Variants in NEB observed in about 807,000 individuals in gnomAD.
NEB encodes the protein nemaline myopathy type 2.
In NEB, 512 loss-of-function variants were observed where a neutral mutation model predicts 952.2. That is an observed-to-expected ratio of 0.54 (90% CI 0.50 to 0.58). NEB has a LOEUF of 0.58. NEB is among the 20% of genes least tolerant of loss of function. NEB has a pLI of 0.00. For synonymous variants in NEB, 2,900 were observed against 3,149.8 expected (o/e 0.92, Z 2.66); for missense variants, 8,428 against 9,231.1 (o/e 0.91, Z 3.56).
intron 35 of NEB, 62 bp from the exon 36 acceptor site, chr2:151,674,646 T>C (rs947928731): frequency 2.8e-5 from 36 of 1,273,386 alleles, no homozygotes; most frequent in Middle Eastern, 3.7e-4. Context: ...GCTGGGATTG[T>C]TTTGTTCTTT....
intron 18 of NEB, among the ~76,000 whole-genome samples, chr2:151,695,051 G>C (rs12619249): frequency 2.6e-5 from 4 of 152,052 alleles, no homozygotes; most frequent in African/African-American, 9.7e-5. Flanking sequence ...CTCATTTATA[G>C]AATTATTGAA....
intron 181 of NEB, 80 bp from the exon 182 acceptor site, chr2:151,486,013 C>T (rs1219788282): frequency 2.1e-6 from 3 of 1,409,562 alleles, no homozygotes; most frequent in Non-Finnish European, 3.0e-6. Context: ...TAAGATCTCT[C>T]ATGACTGACT....
At position 151,629,531 on chromosome 2, in the gene NEB, C is replaced by T. The variant is rs927354128; in HGVS notation, c.9831+8G>A. On this transcript the variant is annotated splice_region_variant and intron_variant, in intron 68 of 181. Coordinates refer to ENST00000397345, the MANE Select transcript of NEB (RefSeq NM_001164508.2). ...ATCCATGTAAATATCTAGGGTGTTG[C>T]TACTCACATCACTGATAACGTCCCT... The T allele has an allele frequency of 6.2e-7, 1 of 1,600,576 alleles. No homozygotes were observed. Among genetic ancestry groups the T allele is most frequent in the Non-Finnish European group, 8.6e-7 (1 of 1,167,842 alleles).
At chr2:151,639,744 C>CAGAT (rs1267353964) in intron 62 of NEB, 113 bp downstream of exon 62, 4 of 877,424 alleles carry the variant, frequency 4.6e-6, no homozygotes, top group South Asian at 3.6e-5. Flanking sequence ...GATACATAGA[C>CAGAT]AGATAGATAG....
At chr2:151,505,998 C>A in intron 164 of NEB, 168 bp downstream of exon 164, 1 of 667,546 alleles carries the variant, frequency 1.5e-6, no homozygotes. Context: ...CAAGGCACTG[C>A]ACTGAATATG....
At position 151,496,295 on chromosome 2, in the gene NEB, T is replaced by C. The variant is rs770245717; in HGVS notation, c.24467A>G (p.Asn8156Ser). 2 of 1,610,684 alleles carry C rather than the reference T, an allele frequency of 1.2e-6. No individual in the cohort carries two copies. The highest frequency in any genetic ancestry group is 1.1e-5 in the South Asian group (1 of 90,452). Reference sequence around the variant, plus strand: ...AAGTACCGAGCTAATATTTTCTTGATTGTGTTTGACTCGCTCCATCTCGGG... The same window carrying C: ...AAGTACCGAGCTAATATTTTCTTGACTGTGTTTGACTCGCTCCATCTCGGG... ...VTPEMERVKH[N>S]QENISSVLYK... Residue 8156 changes from asparagine (N) to serine (S), a missense_variant, in exon 173 of 182, where the codon AAT (asparagine) becomes AGT (serine). Asn to Ser is a conservative substitution (Grantham distance 46). Around this residue, in one of 11 missense-constraint regions of NEB, gnomAD observed 3,374 missense variants for 3,651.5 expected, o/e 0.92. Transcript: ENST00000397345.
chr2:151,679,633 T>A (rs1340601061), intron 32 of NEB, 88 bp downstream of exon 32: 2 of 850,216 alleles, frequency 2.4e-6, no homozygotes, highest in East Asian at 5.0e-5. Flanking sequence ...GGGGACTGCA[T>A]GCATGGAGAC....
chr2:151,613,933 T>C (rs2098112730), intron 77 of NEB, among the ~76,000 whole-genome samples: 1 of 152,236 alleles, frequency 6.6e-6, no homozygotes, highest in Non-Finnish European at 1.5e-5. Context: ...CTCAGGTAGT[T>C]CTTTATAGCA....
chr2:151,485,811 C>T lies in NEB; in HGVS notation c.25527G>A (p.Gln8509=), dbSNP rs1424235370. The change falls in exon 182 of 182, where the codon CAG becomes CAA. Residue 8509 remains glutamine, a synonymous_variant. Transcript: ENST00000397345. ...GGAGCATTCCGGTCCTGCCAGTCCT[C>T]TGCACAGTGCCATACATCCAGCCTT... ...IDEGWMYGTV[Q]RTGRTGMLPA... 4 of 1,614,092 alleles carry T rather than the reference C, an allele frequency of 2.5e-6. No individual in the cohort carries two copies. The highest frequency in any genetic ancestry group is 1.1e-5 in the South Asian group (1 of 91,064).
intron 28 of NEB, among the ~76,000 whole-genome samples, chr2:151,683,655 G>A (rs1246736846): frequency 6.6e-6 from 1 of 152,136 alleles, no homozygotes; most frequent in African/African-American, 2.4e-5. Flanking sequence ...AAACAGTATG[G>A]TGGTTCCTCT....
At chr2:151,679,484 T>C (rs2099398546) in intron 32 of NEB, among the ~76,000 whole-genome samples, 1 of 152,192 alleles carries the variant, frequency 6.6e-6, no homozygotes, top group African/African-American at 2.4e-5. Flanking sequence ...TGTAGAACTA[T>C]ACATGAGAAT....
At chr2:151,550,189 C>T (rs925159949) in intron 129 of NEB, among the ~76,000 whole-genome samples, 4 of 147,502 alleles carry the variant, frequency 2.7e-5, no homozygotes, top group Non-Finnish European at 1.5e-5. Flanking sequence ...ATCACTTGAG[C>T]CCAGGAATTT....
In NEB at chr2:151,612,321, G is replaced by C. The variant is rs757703477; in HGVS notation, c.11670C>G (p.Val3890=). ...IGWVPIGSVE[V]EKVKRAGEIL... is the part of the protein sequence containing the mutation. ...TTTCTCCAGCTCTCTTCACTTTCTC[G>C]ACCTCTACAGAGCCAATGGGAACCC... The change falls in exon 78 of 182, where the codon GTC becomes GTG. Residue 3890 remains valine, a synonymous_variant. Coordinates refer to ENST00000397345, the MANE Select transcript of NEB (RefSeq NM_001164508.2). 3 of 1,613,718 alleles carry C rather than the reference G, an allele frequency of 1.9e-6. No individual in the cohort carries two copies. Among genetic ancestry groups the C allele is most frequent in the Non-Finnish European group, 2.5e-6 (3 of 1,179,804 alleles).
intron 48 of NEB, 86 bp downstream of exon 48, chr2:151,657,897 G>A: frequency 2.3e-6 from 2 of 884,580 alleles, no homozygotes; most frequent in Non-Finnish European, 3.6e-6. Context: ...TTCATATTGT[G>A]TCCACTCAGT....
At position 151,647,172 on chromosome 2, in the gene NEB, G is replaced by A. The variant is rs572822095; in HGVS notation, c.7432-938C>T. Among the ~76,000 whole-genome samples, 23 of 151,966 alleles carry A rather than the reference G, an allele frequency of 1.5e-4. No individual in the cohort carries two copies. In the East Asian group the frequency reaches 3.9e-3, roughly 26 times the overall value. On this transcript the variant is annotated intron_variant, in intron 54 of 181. Coordinates refer to ENST00000397345, the MANE Select transcript of NEB (RefSeq NM_001164508.2). ...GTTGCCCATGCTGGAGTGCAATGGTGCAGTCTTAGCTCACTGTAATCTCCA... is the reference window on the plus strand; with the variant it reads ...GTTGCCCATGCTGGAGTGCAATGGTACAGTCTTAGCTCACTGTAATCTCCA...
intron 54 of NEB, among the ~76,000 whole-genome samples, chr2:151,649,076 T>C (rs1288279486): frequency 6.6e-6 from 1 of 152,188 alleles, no homozygotes; most frequent in African/African-American, 2.4e-5. Flanking sequence ...TTCAGATCTT[T>C]TTATCTCCTG....
chr2:151,721,283 C>T (rs2099773339), intron 9 of NEB, among the ~76,000 whole-genome samples: 1 of 152,184 alleles, frequency 6.6e-6, no homozygotes, highest in African/African-American at 2.4e-5. Flanking sequence ...GCTCCAAAAT[C>T]TTATGATGCC....
intron 146 of NEB, among the ~76,000 whole-genome samples, chr2:151,528,196 G>A (rs1469022814): frequency 6.6e-6 from 1 of 152,164 alleles, no homozygotes; most frequent in African/African-American, 2.4e-5. Flanking sequence ...CAGGGCTGGA[G>A]AACTGGCTGC....
intron 12 of NEB, 48 bp from the exon 13 acceptor site, chr2:151,707,045 GC>G: frequency 1.6e-6 from 2 of 1,224,816 alleles, no homozygotes; most frequent in East Asian, 2.5e-5. Context: ...GGTTATTTTT[GC>G]CCCCGTCTCT....
Sources: gnomAD v4.1 joint callset for allele counts (sites outside exome capture counted in the v4.1 genomes callset) on GRCh38, gnomAD v4.1.1 for gene constraint, gnomAD v4.1.1 regional missense constraint, MANE v1.5 for transcripts, NCBI Gene and HGNC (gene_info 2026-07-23, HGNC 2026-07-21) for gene names.